CUX1: variants seen among roughly 807,000 people sequenced by gnomAD.
The protein encoded by CUX1 is cut like homeobox 1.
A neutral mutation model predicts 158.8 loss-of-function variants in CUX1; 31 were observed. The observed-to-expected ratio is 0.20, with a 90% CI of 0.15 to 0.26. The LOEUF (loss-of-function observed/expected upper bound fraction) is 0.26. CUX1 is among the 10% of genes least tolerant of loss of function. CUX1 has a pLI of 1.00. For missense variants in CUX1, 1,589 were observed against 2,014.6 expected (o/e 0.79, Z 4.04); for synonymous variants, 879 against 862.1 (o/e 1.02, Z -0.34).
intron 23 of CUX1, among the ~76,000 whole-genome samples, chr7:102,247,870 C>T (rs1361905784): frequency 6.6e-6 from 1 of 152,122 alleles, no homozygotes; most frequent in Admixed American, 6.5e-5. Context: ...GTGGCTCACA[C>T]CTGTAATCCC....
intron 20 of CUX1, among the ~76,000 whole-genome samples, chr7:102,223,661 AAAT>A (rs1190099822): frequency 6.6e-6 from 1 of 152,206 alleles, no homozygotes; most frequent in East Asian, 1.9e-4. Context: ...ATGCAATTAA[AAAT>A]AATAATAAAA....
chr7:101,865,831 C>T (rs772005503), intron 1 of CUX1, among the ~76,000 whole-genome samples: 35 of 152,216 alleles, frequency 2.3e-4, no homozygotes, highest in Non-Finnish European at 4.4e-4. Flanking sequence ...CAAATGACTG[C>T]ACCGGCCCTC....
At chr7:102,274,557 A>G (rs539245834) in intron 16 of CUX1, among the ~76,000 whole-genome samples, 1 of 152,326 alleles carries the variant, frequency 6.6e-6, no homozygotes, top group African/African-American at 2.4e-5. Flanking sequence ...TGGAGGCTGC[A>G]GTGAGCTATG....
chr7:101,914,067 T>C (rs1046355705), intron 1 of CUX1, among the ~76,000 whole-genome samples: 3 of 152,034 alleles, frequency 2.0e-5, no homozygotes, highest in African/African-American at 4.8e-5. Context: ...TTTTTTTTTT[T>C]CCCTGCCTTC....
At chr7:102,219,996 C>G (rs993468690) in intron 20 of CUX1, among the ~76,000 whole-genome samples, 1 of 152,168 alleles carries the variant, frequency 6.6e-6, no homozygotes, top group African/African-American at 2.4e-5. Context: ...TCAGAAATTT[C>G]GGAGCTGGTC....
At chr7:102,045,391 C>T (rs1405437920) in intron 3 of CUX1, among the ~76,000 whole-genome samples, 4 of 152,244 alleles carry the variant, frequency 2.6e-5, no homozygotes, top group South Asian at 2.1e-4. Context: ...CTATTAATCA[C>T]GGCCGCCCGC....
rs187956735 is a variant in CUX1, at chr7:102,093,971, A to G, written c.269-3393A>G. ...GAGCTGCTAAGATCGGAGGCATCTG[A>G]CGTTCGCATAAGACCTGACAATCCT... On this transcript the variant is annotated intron_variant, in intron 4 of 23. Transcript: ENST00000292535. Among the ~76,000 whole-genome samples, 21 of 152,272 alleles carry G rather than the reference A, an allele frequency of 1.4e-4. 1 individual carries two copies. The East Asian group carries it at 3.3e-3, about 24-fold the overall frequency.
intron 22 of CUX1, among the ~76,000 whole-genome samples, chr7:102,236,414 C>A (rs1184885407): frequency 1.3e-5 from 2 of 152,220 alleles, no homozygotes; most frequent in African/African-American, 4.8e-5. Context: ...ACATTGCCCC[C>A]CTAAAAGTTT....
At chr7:102,046,380 G>A (rs1341905048) in intron 3 of CUX1, among the ~76,000 whole-genome samples, 1 of 151,634 alleles carries the variant, frequency 6.6e-6, no homozygotes, top group Non-Finnish European at 1.5e-5. Context: ...TTACAGGCAC[G>A]CACCACCACA....
chr7:101,855,320 G>A (rs1387789433), intron 1 of CUX1, among the ~76,000 whole-genome samples: 2 of 152,162 alleles, frequency 1.3e-5, no homozygotes, highest in Admixed American at 6.5e-5. Context: ...TAATTGGCCC[G>A]GTGGCCTTGC....
intron 9 of CUX1, among the ~76,000 whole-genome samples, chr7:102,168,918 C>CTTTT (rs1239519322): frequency 1.2e-4 from 10 of 84,128 alleles, no homozygotes; most frequent in African/African-American, 2.1e-4. Context: ...CTTTTATTTT[C>CTTTT]TTTTCTTTTC....
chr7:102,096,367 G>A (rs186062823), intron 4 of CUX1, among the ~76,000 whole-genome samples: 1 of 152,256 alleles, frequency 6.6e-6, no homozygotes, highest in East Asian at 1.9e-4. Context: ...TAAAGCCTAA[G>A]TGTTTCTTTC....
At position 101,895,913 on chromosome 7, in the gene CUX1, T is replaced by TTTG. The variant is rs1554408161; in HGVS notation, c.31-20200_31-20199insGTT. On this transcript the variant is annotated intron_variant, in intron 1 of 23. Transcript: ENST00000292535. ...AAAGTTTTTTTTTTGTTTTTGTTTT[T>TTTG]TTTTTTTTTTTTTGGAGACAGGGTC... Among the ~76,000 whole-genome samples the TTTG allele has an allele frequency of 1.2e-3, 145 of 121,698 alleles. 1 individual carries two copies. The highest frequency in any genetic ancestry group is 0.011 in the East Asian group (22 of 2,008). The allele number at this position is 121,698 out of a possible 152,430, so 79.8% of individuals were successfully genotyped here.
chr7:101,880,846 G>GC (rs1799630152), intron 1 of CUX1, among the ~76,000 whole-genome samples: 1 of 152,164 alleles, frequency 6.6e-6, no homozygotes, highest in Non-Finnish European at 1.5e-5. Context: ...GCCAGGCCAG[G>GC]CCCCCCACCC....
intron 2 of CUX1, among the ~76,000 whole-genome samples, chr7:102,024,484 G>A (rs1280568169): frequency 6.6e-6 from 1 of 152,012 alleles, no homozygotes; most frequent in East Asian, 1.9e-4. Flanking sequence ...GCACCACCAC[G>A]CCCAGCTTAT....
chr7:102,132,943 T>C (rs1254708616), intron 8 of CUX1, among the ~76,000 whole-genome samples: 1 of 152,032 alleles, frequency 6.6e-6, no homozygotes, highest in Non-Finnish European at 1.5e-5. Flanking sequence ...AGTGCTGGGA[T>C]TACAGGCGTG....
chr7:101,839,727 G>C (rs565279849), intron 1 of CUX1, among the ~76,000 whole-genome samples: 26 of 150,774 alleles, frequency 1.7e-4, no homozygotes, highest in African/African-American at 6.1e-4. Context: ...AGAGCTCCTT[G>C]TATGTTTCAC....
rs1391377025 is a variant in CUX1, at chr7:101,940,045, A to G, written c.141+23820A>G. 1.3e-4 allele frequency among the ~76,000 whole-genome samples: 20 copies of G among 149,052 alleles called. No homozygotes were observed. The South Asian group carries it at 4.0e-3, about 30-fold the overall frequency. On this transcript the variant is annotated intron_variant, in intron 2 of 23. Coordinates refer to ENST00000292535, the MANE Select transcript of CUX1 (RefSeq NM_181552.4). Reference sequence around the variant, plus strand: ...CAGTGAGCCGAGATTGCACCGCTGCACTCCAGCCTGGGCAATAGAGCGAGA... The same window carrying G: ...CAGTGAGCCGAGATTGCACCGCTGCGCTCCAGCCTGGGCAATAGAGCGAGA...
At chr7:101,969,918 G>A (rs1044134722) in intron 2 of CUX1, among the ~76,000 whole-genome samples, 3 of 147,094 alleles carry the variant, frequency 2.0e-5, no homozygotes, top group Admixed American at 7.0e-5. Flanking sequence ...AGGATTCCAC[G>A]GTCCCCTTTC....
Sources: allele counts gnomAD v4.1 joint callset (sites outside exome capture counted in the v4.1 genomes callset), GRCh38; gene constraint gnomAD v4.1.1; transcripts MANE v1.5; gene names NCBI Gene and HGNC (gene_info 2026-07-23, HGNC 2026-07-21).